The following SLC10A7 variants were observed in gnomAD, a reference collection of about 807,000 sequenced individuals.
SLC10A7 encodes the protein solute carrier family 10 member 7, also known as sodium/bile acid cotransporter 7.
In SLC10A7, 29 loss-of-function variants were observed where a neutral mutation model predicts 43.2. That is an observed-to-expected ratio of 0.67 (90% confidence interval 0.50 to 0.92). SLC10A7 has a LOEUF of 0.92. Among genes scored for constraint, SLC10A7 ranks in the 40% least tolerant of loss-of-function variants. The pLI, the probability that SLC10A7 is intolerant of heterozygous loss-of-function variation, is 0.00. For missense variants in SLC10A7, 295 were observed against 403.2 expected (o/e 0.73, Z 2.30); for synonymous variants, 152 against 144.8 (o/e 1.05, Z -0.35).
intron 7 of SLC10A7, among the ~76,000 whole-genome samples, chr4:146,297,369 A>G (rs1305723425): frequency 6.6e-6 from 1 of 152,218 alleles, no homozygotes; most frequent in African/African-American, 2.4e-5. Context: ...AAATGGAGCC[A>G]CATATCAATT....
chr4:146,406,995 AAAC>A (rs892863925), intron 5 of SLC10A7, among the ~76,000 whole-genome samples: 11 of 152,040 alleles, frequency 7.2e-5, no homozygotes, highest in African/African-American at 1.7e-4. Flanking sequence ...AAAACAAAAC[AAAC>A]AACAACAACA....
At chr4:146,333,933 A>G (rs1733707126) in intron 5 of SLC10A7, among the ~76,000 whole-genome samples, 1 of 152,088 alleles carries the variant, frequency 6.6e-6, no homozygotes, top group Admixed American at 6.6e-5. Context: ...GGCTAAGGCG[A>G]TGGGATCTTA....
intron 10 of SLC10A7, among the ~76,000 whole-genome samples, chr4:146,259,983 A>C (rs1022426272): frequency 1.3e-5 from 2 of 152,230 alleles, no homozygotes; most frequent in Non-Finnish European, 2.9e-5. Context: ...AGGAAGGCTT[A>C]GCTTTTTCAA....
chr4:146,373,253 G>C (rs968467472), intron 5 of SLC10A7, among the ~76,000 whole-genome samples: 11 of 152,016 alleles, frequency 7.2e-5, no homozygotes, highest in African/African-American at 4.8e-5. Context: ...TGAGAGGGTT[G>C]CTTGAGCTCA....
chr4:146,325,893 T>C, intron 6 of SLC10A7, 68 bp downstream of exon 6: 7 of 1,385,700 alleles, frequency 5.1e-6, no homozygotes, highest in Non-Finnish European at 7.0e-6. Flanking sequence ...TTTGTTCTAA[T>C]GACCTTTCTT....
At chr4:146,491,722 A>AGGAG (rs1735453203) in intron 4 of SLC10A7, among the ~76,000 whole-genome samples, 2 of 149,330 alleles carry the variant, frequency 1.3e-5, no homozygotes, top group African/African-American at 2.5e-5. Flanking sequence ...GAAGGAAGGA[A>AGGAG]GGAAGGAAGG....
At chr4:146,428,724 T>A (rs1729553384) in intron 5 of SLC10A7, among the ~76,000 whole-genome samples, 1 of 152,174 alleles carries the variant, frequency 6.6e-6, no homozygotes, top group African/African-American at 2.4e-5. Flanking sequence ...ACTTGTCAAT[T>A]TGATTAAAGT....
At chr4:146,397,894 G>C (rs1204283445) in intron 5 of SLC10A7, among the ~76,000 whole-genome samples, 1 of 152,172 alleles carries the variant, frequency 6.6e-6, no homozygotes, top group African/African-American at 2.4e-5. Flanking sequence ...AGAAAAACTG[G>C]ATAAAGCAAT....
chr4:146,383,372 A>G (rs1469772629), intron 5 of SLC10A7, among the ~76,000 whole-genome samples: 2 of 152,178 alleles, frequency 1.3e-5, no homozygotes, highest in Non-Finnish European at 1.5e-5. Context: ...CAAGTCAGCT[A>G]TGACAGGAAA....
In SLC10A7 at chr4:146,258,847, AAAG is replaced by A. The variant is rs1394622511; in HGVS notation, c.848-13_848-11del. Reference sequence around the variant, plus strand: ...TTCAGCATCGGAATTCCTGTTGAACAAAGAAGACAGAAAACCTAAACCAAATTC... The same window carrying A: ...TTCAGCATCGGAATTCCTGTTGAACAAAGACAGAAAACCTAAACCAAATTC... On this transcript the variant is annotated splice_polypyrimidine_tract_variant and intron_variant, in intron 10 of 11. Transcript: ENST00000335472. 3.1e-6 allele frequency: 5 copies of A among 1,603,426 alleles called. No homozygotes were observed. Among genetic ancestry groups the A allele is most frequent in the East Asian group, 2.2e-5 (1 of 44,506 alleles).
chr4:146,439,498 T>C (rs1186950316), intron 5 of SLC10A7, among the ~76,000 whole-genome samples: 1 of 152,082 alleles, frequency 6.6e-6, no homozygotes, highest in Non-Finnish European at 1.5e-5. Flanking sequence ...AGAATAATCA[T>C]TGGATCAGGG....
intron 5 of SLC10A7, among the ~76,000 whole-genome samples, chr4:146,354,074 A>G (rs1284735626): frequency 2.0e-5 from 3 of 147,092 alleles, no homozygotes; most frequent in Admixed American, 1.4e-4. Context: ...AGGGTATTCA[A>G]TTAGGAAAAG....
rs1730610760 is a variant in SLC10A7, at chr4:146,293,937, C to G, written c.714G>C (p.Leu238=). The part of the protein sequence containing the change: ...DLDKFSLVLI[L]FIIFSIQLSF... ...TCCCATTTTCCAACTTACTTATGAA[C>G]AGTATGAGAACAAGGCTGAATTTAT... is the stretch of plus-strand genomic sequence containing the variant. Residue 238 remains leucine, a synonymous_variant, in exon 8 of 12, where the codon CTG becomes CTC. Coordinates refer to ENST00000335472, the MANE Select transcript of SLC10A7 (RefSeq NM_001029998.6). 6.2e-7 allele frequency: 1 copy of G among 1,608,166 alleles called. No individual in the cohort carries two copies. The highest frequency in any genetic ancestry group is 8.5e-7 in the Non-Finnish European group (1 of 1,176,654).
At chr4:146,457,171 T>C (rs985617299) in intron 4 of SLC10A7, among the ~76,000 whole-genome samples, 6 of 152,054 alleles carry the variant, frequency 3.9e-5, no homozygotes, top group Non-Finnish European at 5.9e-5. Context: ...AATTTTCATA[T>C]CTTGAAATTT....
intron 5 of SLC10A7, among the ~76,000 whole-genome samples, chr4:146,335,681 G>A (rs1733848202): frequency 6.6e-6 from 1 of 151,946 alleles, no homozygotes; most frequent in Non-Finnish European, 1.5e-5. Flanking sequence ...TACCACCACT[G>A]AGCTAATATT....
At chr4:146,346,209 T>C (rs944711402) in intron 5 of SLC10A7, among the ~76,000 whole-genome samples, 4 of 152,144 alleles carry the variant, frequency 2.6e-5, no homozygotes, top group Non-Finnish European at 5.9e-5. Flanking sequence ...ACCAACTCTA[T>C]TGGGGAACTG....
intron 5 of SLC10A7, among the ~76,000 whole-genome samples, chr4:146,349,509 G>A (rs1351290216): frequency 1.3e-5 from 2 of 152,114 alleles, no homozygotes; most frequent in Non-Finnish European, 2.9e-5. Flanking sequence ...CCATTACTGG[G>A]CATACATCCA....
chr4:146,461,823 C>CA (rs1560931463), intron 4 of SLC10A7, among the ~76,000 whole-genome samples: 1 of 136,354 alleles, frequency 7.3e-6, no homozygotes, highest in Non-Finnish European at 1.6e-5. Flanking sequence ...AGTGACCAGG[C>CA]TTTTTTTTTT....
chr4:146,314,619 C>G (rs1160851009), intron 6 of SLC10A7, among the ~76,000 whole-genome samples: 1 of 152,004 alleles, frequency 6.6e-6, no homozygotes, highest in African/African-American at 2.4e-5. Context: ...TGTCAAATAC[C>G]CCAAGGTAAT....
Sources: gnomAD v4.1 joint callset for allele counts (sites outside exome capture counted in the v4.1 genomes callset) on GRCh38, gnomAD v4.1.1 for gene constraint, MANE v1.5 for transcripts, NCBI Gene and HGNC (gene_info 2026-07-23, HGNC 2026-07-21) for gene names.